Variants in ADNP2 observed in about 807,000 individuals in gnomAD.
ADNP2 encodes activity-dependent neuroprotector homeobox protein 2.
A neutral mutation model predicts 16.4 loss-of-function variants in ADNP2; 8 were observed. The ratio of observed to expected loss-of-function variants is 0.49; its 90% confidence interval spans 0.29 to 0.88. The LOEUF (loss-of-function observed/expected upper bound fraction) is 0.88. Among genes scored for constraint, ADNP2 ranks in the 40% least tolerant of loss-of-function variants. ADNP2 has a pLI of 0.09. For synonymous variants in ADNP2, 637 were observed against 545.8 expected (o/e 1.17, Z -2.33); for missense variants, 1,397 against 1,395.1 (o/e 1.00, Z -0.02).
At position 80,122,718 on chromosome 18, in the gene ADNP2, G is replaced by A. The variant is rs548196268; in HGVS notation, c.108+5068G>A. Reference sequence around the variant, plus strand: ...TTGTCATTAGCTCTGGTAGTTTCTTGTAGATTCTTTGGGATTTTCTATATG... The same window carrying A: ...TTGTCATTAGCTCTGGTAGTTTCTTATAGATTCTTTGGGATTTTCTATATG... On this transcript the variant is annotated intron_variant, in intron 2 of 3. Transcript: ENST00000262198. Among the ~76,000 whole-genome samples, 168 of 152,308 alleles carry A rather than the reference G, an allele frequency of 1.1e-3. 7 individuals are homozygous for A. The South Asian group carries it at 0.029, about 26-fold the overall frequency.
In ADNP2 at chr18:80,137,392, C is replaced by T; in HGVS notation, c.1979C>T (p.Pro660Leu). 4 of 1,614,178 alleles carry T rather than the reference C, an allele frequency of 2.5e-6. No individual in the cohort carries two copies. The highest frequency in any genetic ancestry group is 3.4e-6 in the Non-Finnish European group (4 of 1,180,048). ...APMAGSMPGM[P>L]SPPVLVNAAQ... ...ATGGCCGGTTCCATGCCCGGCATGC[C>T]CTCTCCTCCAGTGCTGGTGAATGCT... The change falls in exon 4 of 4, where the codon CCC (proline) becomes CTC (leucine). Residue 660 changes from proline (P) to leucine (L), a missense_variant. Coordinates refer to ENST00000262198, the MANE Select transcript of ADNP2 (RefSeq NM_014913.4). The surrounding 1 kb of genome is among the most constrained non-coding windows in gnomAD (Gnocchi z 4.2).
rs201936630 is a variant in ADNP2 at position 80,136,741 on chromosome 18, C to T, written c.1328C>T (p.Ala443Val). 1.1e-4 allele frequency: 170 copies of T among 1,612,720 alleles called. No individual in the cohort carries two copies. The highest frequency in any genetic ancestry group is 8.3e-4 in the Middle Eastern group (5 of 6,056). The stretch of plus-strand genomic sequence containing the variant: ...CCAGGGGTGCTTTCTGTGAGTCGGG[C>T]GGTCCCGTCTGGAGTCCTTCCTGCA... The part of the protein sequence containing the change: ...VSPGVLSVSR[A>V]VPSGVLPAGQ... Residue 443 changes from alanine to valine, a missense_variant, in exon 4 of 4, where the codon GCG becomes GTG. Physicochemically the swap from Ala to Val is moderately conservative, Grantham distance 64 (BLOSUM62 0). This residue lies in a region of ADNP2 where 777 missense variants were observed against 719.4 expected (regional missense o/e 1.08). Transcript: ENST00000262198.
At chr18:80,119,043 T>C (rs543163642) in intron 2 of ADNP2, among the ~76,000 whole-genome samples, 17 of 152,266 alleles carry the variant, frequency 1.1e-4, no homozygotes, top group East Asian at 9.6e-4. Context: ...CCCTGAAATA[T>C]CCAGAATTAA....
At position 80,140,127 on chromosome 18, in the gene ADNP2, A is replaced by T. The variant is rs2052572012; in HGVS notation, c.*1318A>T. The T allele has an allele frequency of 6.6e-6, 1 of 152,236 alleles. No individual in the cohort carries two copies. Among genetic ancestry groups the T allele is most frequent in the Non-Finnish European group, 1.5e-5 (1 of 68,036 alleles). The allele number at this position is 152,236 out of a possible 1,614,324, so 9.4% of individuals were successfully genotyped here. A position where few individuals can be genotyped will look rare whatever the true frequency, so the allele number is the denominator to read the frequency against. ...TAGGTAGAAATATTTGGAGGATGTGACAGCCTCTGAGAAACATAATGTTAC... is the reference window on the plus strand; with the variant it reads ...TAGGTAGAAATATTTGGAGGATGTGTCAGCCTCTGAGAAACATAATGTTAC... On this transcript the variant is annotated 3_prime_UTR_variant, in exon 4 of 4. Coordinates refer to ENST00000262198, the MANE Select transcript of ADNP2 (RefSeq NM_014913.4).
chr18:80,113,788 A>G (rs766523085), intron 1 of ADNP2, among the ~76,000 whole-genome samples: 3 of 152,106 alleles, frequency 2.0e-5, no homozygotes, highest in Non-Finnish European at 4.4e-5. Flanking sequence ...GTGGAGTGGT[A>G]TGTGGTTATG....
At chr18:80,133,998 A>G (rs1599820009) in intron 3 of ADNP2, among the ~76,000 whole-genome samples, 1 of 151,990 alleles carries the variant, frequency 6.6e-6, no homozygotes, top group East Asian at 1.9e-4. Flanking sequence ...ATGCCCAGAT[A>G]AGCATTTTTA....
intron 2 of ADNP2, among the ~76,000 whole-genome samples, chr18:80,125,020 T>G (rs1316527652): frequency 6.6e-6 from 1 of 152,182 alleles, no homozygotes. Flanking sequence ...GAAGACCAAA[T>G]GTATATTTCA....
chr18:80,133,007 C>G (rs1259237741), intron 2 of ADNP2, 96 bp from the exon 3 acceptor site: 1 of 884,312 alleles, frequency 1.1e-6, no homozygotes, highest in Non-Finnish European at 1.8e-6. Context: ...AAGCATGAAC[C>G]ACTATGCCCG....
At position 80,138,252 on chromosome 18, in the gene ADNP2, T is replaced by C; in HGVS notation, c.2839T>C (p.Ser947Pro). Residue 947 changes from serine to proline, a missense_variant, in exon 4 of 4, where the codon TCA becomes CCA. Ser to Pro is a moderately conservative substitution (Grantham distance 74, BLOSUM62 -1). Around this residue, in one of 3 missense-constraint regions of ADNP2, gnomAD observed 611 missense variants for 648.7 expected, o/e 0.94. Coordinates refer to ENST00000262198, the MANE Select transcript of ADNP2 (RefSeq NM_014913.4). ...CAGAAGTGCTCCCAAGGACAGCAGC[T>C]CAGACCTGCAGGCCCAGCCGGGTTT... ...RCRSAPKDSS[S>P]DLQAQPGFIH... is the part of the protein sequence containing the mutation. 6.2e-7 allele frequency: 1 copy of C among 1,614,150 alleles called. No individual in the cohort carries two copies.
In ADNP2 at chr18:80,128,940, TTC is replaced by T. The variant is rs1169462280; in HGVS notation, c.109-4161_109-4160del. On this transcript the variant is annotated intron_variant, in intron 2 of 3. Coordinates refer to ENST00000262198, the MANE Select transcript of ADNP2 (RefSeq NM_014913.4). ...CCATTAACATCGTATTGTTAGCTGT[TTC>T]TGTGTGTTTATTGTTCTTACCATGA... Among the ~76,000 whole-genome samples the T allele has an allele frequency of 3.3e-5, 5 of 152,142 alleles. No individual in the cohort carries two copies. In the South Asian group the frequency reaches 6.2e-4, roughly 19 times the overall value.
At chr18:80,134,291 G>A (rs1198802343) in intron 3 of ADNP2, among the ~76,000 whole-genome samples, 1 of 152,072 alleles carries the variant, frequency 6.6e-6, no homozygotes, top group Non-Finnish European at 1.5e-5. Context: ...CCGGGATGGC[G>A]TAGGTTGCAG....
At chr18:80,134,163 T>A (rs2052516119) in intron 3 of ADNP2, among the ~76,000 whole-genome samples, 1 of 152,314 alleles carries the variant, frequency 6.6e-6, no homozygotes, top group South Asian at 2.1e-4. Context: ...ATGCCTCATT[T>A]AGCAGATCTT....
At chr18:80,126,870 A>T (rs1357526913) in intron 2 of ADNP2, among the ~76,000 whole-genome samples, 1 of 152,212 alleles carries the variant, frequency 6.6e-6, no homozygotes, top group Non-Finnish European at 1.5e-5. Flanking sequence ...TCCACAGTCA[A>T]CCACGGTTTG....
intron 2 of ADNP2, among the ~76,000 whole-genome samples, chr18:80,125,899 T>C (rs1007492805): frequency 6.6e-6 from 1 of 152,176 alleles, no homozygotes. Flanking sequence ...TTGTGCACGG[T>C]GTGGCAGGAT....
intron 2 of ADNP2, among the ~76,000 whole-genome samples, chr18:80,124,963 TGG>T (rs2052448813): frequency 6.6e-6 from 1 of 152,308 alleles, no homozygotes; most frequent in Admixed American, 6.5e-5. Flanking sequence ...TAATCTGACT[TGG>T]GAGATTCCAA....
At chr18:80,130,417 A>G (rs2052488465) in intron 2 of ADNP2, among the ~76,000 whole-genome samples, 2 of 152,218 alleles carry the variant, frequency 1.3e-5, no homozygotes, top group African/African-American at 4.8e-5. Flanking sequence ...TAAGTGAGCT[A>G]TGCTGCACAG....
At chr18:80,117,405 T>A in intron 1 of ADNP2, 125 bp from the exon 2 acceptor site, 1 of 531,830 alleles carries the variant, frequency 1.9e-6, no homozygotes, top group Non-Finnish European at 3.1e-6. Flanking sequence ...GAATGTTCAC[T>A]CGTTCTACAA....
chr18:80,113,382 C>T (rs780573188), intron 1 of ADNP2, among the ~76,000 whole-genome samples: 11 of 152,164 alleles, frequency 7.2e-5, no homozygotes, highest in Non-Finnish European at 1.3e-4. Flanking sequence ...CCAAAAATTT[C>T]TCCCTATTAT....
intron 3 of ADNP2, among the ~76,000 whole-genome samples, chr18:80,134,218 C>G (rs2052516496): frequency 6.6e-6 from 1 of 152,022 alleles, no homozygotes; most frequent in African/African-American, 2.4e-5. Context: ...CATCCGAATT[C>G]TTAAAATATC....
Sources: gnomAD v4.1 joint callset for allele counts (sites outside exome capture counted in the v4.1 genomes callset) on GRCh38, gnomAD v4.1.1 for gene constraint, gnomAD v4.1.1 regional missense constraint, Gnocchi (gnomAD v3.1) non-coding constraint, MANE v1.5 for transcripts, NCBI Gene and HGNC (gene_info 2026-07-23, HGNC 2026-07-21) for gene names.